The following PAWR variants were observed in gnomAD, a reference collection of about 807,000 sequenced individuals.
PAWR encodes the protein pro-apoptotic WT1 regulator.
PAWR carries 23 observed loss-of-function variants against 32.0 expected under a neutral mutation model. The ratio of observed to expected loss-of-function variants is 0.72; its 90% CI spans 0.52 to 1.02. The LOEUF is 1.02. PAWR is among the 50% of genes least tolerant of loss of function. The probability of loss-of-function intolerance (pLI) is 0.00; values close to 1 mark genes in which losing one functional copy is unlikely to be tolerated. For missense variants in PAWR, 457 were observed against 437.7 expected (o/e 1.04, Z -0.39); for synonymous variants, 226 against 187.1 (o/e 1.21, Z -1.70).
intron 2 of PAWR, among the ~76,000 whole-genome samples, chr12:79,638,790 G>GGT (rs34039182): frequency 0.48 from 50,066 of 104,772 alleles, 13,932 homozygotes; most frequent in Non-Finnish European, 0.63. Flanking sequence ...TTATATTTGG[G>GGT]GTGTGTGTGT....
In PAWR at chr12:79,631,029, A is replaced by T. The variant is rs375395877; in HGVS notation, c.517-9822T>A. Among the ~76,000 whole-genome samples, 519 of 152,310 alleles carry T rather than the reference A, an allele frequency of 3.4e-3. 2 individuals are homozygous for T. The highest frequency in any genetic ancestry group is 0.027 in the South Asian group (130 of 4,824). ...GTAAAACACTTTGTTTAACCTTCAA[A>T]TCAGTGATTCATCATCTTTACAAAG... On this transcript the variant is annotated intron_variant, in intron 2 of 6. Transcript: ENST00000328827.
chr12:79,620,096 G>T (rs1195983706), intron 3 of PAWR, among the ~76,000 whole-genome samples: 3 of 152,024 alleles, frequency 2.0e-5, no homozygotes, highest in Non-Finnish European at 4.4e-5. Context: ...GTAAAATTAT[G>T]GCATAACATG....
rs541989666 is a variant in PAWR at position 79,637,728 on chromosome 12, A to C, written c.517-16521T>G. Reference sequence around the variant, plus strand: ...GCTACATACACACCAACACTCACACACATACAACATACCTCTAAACTAGAA... The same window carrying C: ...GCTACATACACACCAACACTCACACCCATACAACATACCTCTAAACTAGAA... On this transcript the variant is annotated intron_variant, in intron 2 of 6. Transcript: ENST00000328827. 4.6e-5 allele frequency among the ~76,000 whole-genome samples: 7 copies of C among 152,172 alleles called. No individual in the cohort carries two copies. The South Asian group carries it at 1.5e-3, about 32-fold the overall frequency.
chr12:79,676,172 T>C (rs1462387450), intron 2 of PAWR, among the ~76,000 whole-genome samples: 3 of 152,224 alleles, frequency 2.0e-5, no homozygotes, highest in South Asian at 4.2e-4. Context: ...TCTAGAGCTG[T>C]TCTAAAAATT....
At chr12:79,648,794 A>G (rs371523112) in intron 2 of PAWR, among the ~76,000 whole-genome samples, 1,581 of 138,628 alleles carry the variant, frequency 0.011, 41 homozygotes, top group African/African-American at 0.041. Flanking sequence ...CAGGGGCTAG[A>G]AAAAAAAAAA....
rs138946120 is a variant in PAWR at position 79,652,232 on chromosome 12, G to A, written c.517-31025C>T. The stretch of plus-strand genomic sequence containing the variant: ...CTGAACTCTACACTTAAAATGGTTC[G>A]ATGCTAAGTTTTATATTATATACGT... On this transcript the variant is annotated intron_variant, in intron 2 of 6. Coordinates refer to ENST00000328827, the MANE Select transcript of PAWR (RefSeq NM_002583.4). Among the ~76,000 whole-genome samples, 818 of 152,142 alleles carry A rather than the reference G, an allele frequency of 5.4e-3. 14 individuals carry two copies. Among genetic ancestry groups the A allele is most frequent in the African/African-American group, 0.019 (772 of 41,530 alleles).
At chr12:79,592,985 A>G (rs953018653) in intron 6 of PAWR, among the ~76,000 whole-genome samples, 2 of 152,156 alleles carry the variant, frequency 1.3e-5, no homozygotes, top group African/African-American at 2.4e-5. Context: ...ATCATCATAA[A>G]TAAGTTAGTT....
rs11319978 is a variant in PAWR, at chr12:79,647,173, CAAAAAAA to C, written c.517-25973_517-25967del. On this transcript the variant is annotated intron_variant, in intron 2 of 6. Coordinates refer to ENST00000328827, the MANE Select transcript of PAWR (RefSeq NM_002583.4). ...CTGGTGACAGAGCAAGACTCCATTTCAAAAAAAAAAAAAAAAAGAAAAGGAAAGAAAT... is the reference window on the plus strand; with the variant it reads ...CTGGTGACAGAGCAAGACTCCATTTCAAAAAAAAAAGAAAAGGAAAGAAAT... 8.5e-3 allele frequency among the ~76,000 whole-genome samples: 701 copies of C among 82,434 alleles called. 12 individuals carry two copies. Among genetic ancestry groups the C allele is most frequent in the African/African-American group, 0.02 (630 of 31,298 alleles). 54.1% of individuals were successfully genotyped at this position (82,434 alleles called of 152,430 possible). A position where few individuals can be genotyped will look rare whatever the true frequency, so the allele number is the denominator to read the frequency against.
intron 2 of PAWR, among the ~76,000 whole-genome samples, chr12:79,645,007 AAAG>A (rs143715078): frequency 0.02 from 2,980 of 150,340 alleles, 84 homozygotes; most frequent in African/African-American, 0.063. Context: ...GTAATGTAAA[AAAG>A]AAGAATCATG....
At chr12:79,676,563 C>A (rs1213114325) in intron 2 of PAWR, among the ~76,000 whole-genome samples, 2 of 152,170 alleles carry the variant, frequency 1.3e-5, no homozygotes, top group Non-Finnish European at 2.9e-5. Context: ...TTCTCTCTTT[C>A]TTCTAGTCTG....
At position 79,589,591 on chromosome 12, in the gene PAWR, T is replaced by C. The variant is rs1348078188; in HGVS notation, c.*3016A>G. ...TATTTAGTAAATCCCTTAGTACCTA[T>C]AAATACACACCCAAAAGCCCTTCCC... On this transcript the variant is annotated 3_prime_UTR_variant, in exon 7 of 7. Coordinates refer to ENST00000328827, the MANE Select transcript of PAWR (RefSeq NM_002583.4). The C allele has an allele frequency of 6.6e-6, 1 of 152,062 alleles. No individual in the cohort carries two copies. The highest frequency in any genetic ancestry group is 1.9e-4 in the East Asian group (1 of 5,200). 9.4% of individuals were successfully genotyped at this position (152,062 alleles called of 1,614,324 possible).
intron 2 of PAWR, among the ~76,000 whole-genome samples, chr12:79,683,330 T>A (rs1878532822): frequency 6.6e-6 from 1 of 152,204 alleles, no homozygotes; most frequent in Admixed American, 6.5e-5. Flanking sequence ...CATGTAACAA[T>A]CCTGTTAGAT....
intron 4 of PAWR, among the ~76,000 whole-genome samples, chr12:79,613,278 G>T (rs1874523646): frequency 6.6e-6 from 1 of 152,112 alleles, no homozygotes; most frequent in Non-Finnish European, 1.5e-5. Flanking sequence ...ATACAGATGG[G>T]TCTACTTATA....
intron 2 of PAWR, among the ~76,000 whole-genome samples, chr12:79,671,689 CT>C (rs1467550636): frequency 5.3e-5 from 8 of 151,536 alleles, no homozygotes; most frequent in Admixed American, 1.3e-4. Context: ...ATTAAATAAG[CT>C]TATACATGTA....
At chr12:79,637,352 T>A (rs1876009455) in intron 2 of PAWR, among the ~76,000 whole-genome samples, 1 of 152,050 alleles carries the variant, frequency 6.6e-6, no homozygotes, top group Non-Finnish European at 1.5e-5. Context: ...CTATCAGTAA[T>A]GCCACTTCTT....
At chr12:79,674,818 G>A (rs1377982707) in intron 2 of PAWR, among the ~76,000 whole-genome samples, 2 of 152,034 alleles carry the variant, frequency 1.3e-5, no homozygotes, top group South Asian at 2.1e-4. Context: ...TGCTCAATAT[G>A]ACTAATCATT....
intron 2 of PAWR, among the ~76,000 whole-genome samples, chr12:79,634,323 G>T (rs550985693): frequency 6.6e-6 from 1 of 152,084 alleles, no homozygotes; most frequent in Non-Finnish European, 1.5e-5. Context: ...TGTAAAGTGG[G>T]TGTTAGATTT....
At chr12:79,690,573 A>G (rs748885368) in intron 1 of PAWR, 182 bp from the exon 2 acceptor site, 1 of 233,140 alleles carries the variant, frequency 4.3e-6, no homozygotes, top group Non-Finnish European at 8.2e-6. Context: ...ACGGACCCCG[A>G]CGATCGCCGC....
chr12:79,605,463 T>A (rs999704862), intron 4 of PAWR, among the ~76,000 whole-genome samples: 2 of 152,076 alleles, frequency 1.3e-5, no homozygotes, highest in Non-Finnish European at 2.9e-5. Flanking sequence ...CATAGTACCC[T>A]GCACCTTTGA....
Sources: gnomAD v4.1 joint callset for allele counts (sites outside exome capture counted in the v4.1 genomes callset) on GRCh38, gnomAD v4.1.1 for gene constraint, MANE v1.5 for transcripts, NCBI Gene and HGNC (gene_info 2026-07-23, HGNC 2026-07-21) for gene names.